Variants in C2 observed in about 807,000 individuals in gnomAD.
The protein encoded by C2 is complement C2.
C2 carries 64 observed loss-of-function variants against 85.2 expected under a neutral mutation model. That is an observed-to-expected ratio of 0.75 (90% CI 0.61 to 0.92). The LOEUF is 0.92. Among genes scored for constraint, C2 ranks in the 40% least tolerant of loss-of-function variants. C2 has a pLI of 0.00. For synonymous variants in C2, 311 were observed against 370.8 expected, an observed-to-expected ratio of 0.84 and a Z score of 1.85; for missense variants, 820 against 971.6, an observed-to-expected ratio of 0.84 and a Z score of 2.07.
In C2 at chr6:31,928,830, G is replaced by T. The variant is rs1769485252; in HGVS notation, c.355G>T (p.Asp119Tyr). 1 of 1,614,248 alleles carries T rather than the reference G, an allele frequency of 6.2e-7. No homozygotes were observed. Reference sequence around the variant, plus strand: ...TGGCAATGTGAGCTTCGAGTGTGAGGATGGCTTCATATTGCGGGGCTCGCC... The same window carrying T: ...TGGCAATGTGAGCTTCGAGTGTGAGTATGGCTTCATATTGCGGGGCTCGCC... ...VGGNVSFECE[D>Y]GFILRGSPVR... The change falls in exon 3 of 18, where the codon GAT (aspartate) becomes TAT (tyrosine). Residue 119 changes from aspartate to tyrosine, a missense_variant. By Grantham distance (160) the Asp-to-Tyr change is radical. Coordinates refer to ENST00000299367, the MANE Select transcript of C2 (RefSeq NM_000063.6).
intron 3 of C2, among the ~76,000 whole-genome samples, chr6:31,930,394 C>G (rs1769642403): frequency 3.3e-5 from 5 of 152,122 alleles, no homozygotes; most frequent in Non-Finnish European, 7.4e-5. Context: ...GTTTTTGTTT[C>G]TTTAAGAGAC....
upstream of C2, among the ~76,000 whole-genome samples, chr6:31,918,144 G>T (rs902889539): frequency 6.6e-6 from 1 of 152,028 alleles, no homozygotes; most frequent in Non-Finnish European, 1.5e-5. Flanking sequence ...ACTTAGCCTG[G>T]TATGATGGCA....
At position 31,945,473 on chromosome 6, in the gene C2, C is replaced by A; in HGVS notation, c.*116C>A. 1 of 1,051,590 alleles carries A rather than the reference C, an allele frequency of 9.5e-7. No individual in the cohort carries two copies. Among genetic ancestry groups the A allele is most frequent in the Non-Finnish European group, 1.4e-6 (1 of 691,360 alleles). The allele number at this position is 1,051,590 out of a possible 1,614,324, so 65.1% of individuals were successfully genotyped here. On this transcript the variant is annotated 3_prime_UTR_variant, in exon 18 of 18. Coordinates refer to ENST00000299367, the MANE Select transcript of C2 (RefSeq NM_000063.6). The surrounding 1 kb of genome is among the most constrained non-coding windows in gnomAD (Gnocchi z 5.3). Reference sequence around the variant, plus strand: ...ATCCTCTCTCCTAGCTGAGTAAATCCGGGTCTCTAGGATGCCAGAGGCAGC... The same window carrying A: ...ATCCTCTCTCCTAGCTGAGTAAATCAGGGTCTCTAGGATGCCAGAGGCAGC...
chr6:31,939,375 T>A, intron 9 of C2, 55 bp downstream of exon 9: 1 of 1,306,682 alleles, frequency 7.7e-7, no homozygotes, highest in Admixed American at 1.7e-5. Context: ...GGTCATGAGA[T>A]CTTCAGCCAG....
chr6:31,944,915 A>T lies in C2; in HGVS notation c.2029+62A>T. The T allele has an allele frequency of 6.2e-7, 1 of 1,612,830 alleles. No individual in the cohort carries two copies. The highest frequency in any genetic ancestry group is 1.1e-5 in the South Asian group (1 of 91,076). On this transcript the variant is annotated intron_variant, in intron 16 of 17. Coordinates refer to ENST00000299367, the MANE Select transcript of C2 (RefSeq NM_000063.6). The surrounding 1 kb of genome is among the most constrained non-coding windows in gnomAD (Gnocchi z 5.1). The stretch of plus-strand genomic sequence containing the variant: ...GGCCACCTGTGTCTCTGTGGCCAGC[A>T]TGCATGCCAGAACACCAGTCCACTG...
chr6:31,928,969 C>T lies in C2; in HGVS notation c.442+52C>T, dbSNP rs779107315. On this transcript the variant is annotated intron_variant, in intron 3 of 17. Transcript: ENST00000299367. Reference sequence around the variant, plus strand: ...CAGGGGGCTGGGGTCTCCTGGGGAACCCTGGGGCCCAATGTGCATCCAGGA... The same window carrying T: ...CAGGGGGCTGGGGTCTCCTGGGGAATCCTGGGGCCCAATGTGCATCCAGGA... 1.5e-5 allele frequency: 23 copies of T among 1,525,526 alleles called. No individual in the cohort carries two copies. In the South Asian group the frequency reaches 2.7e-4, roughly 18 times the overall value. 94.5% of individuals were successfully genotyped at this position (1,525,526 alleles called of 1,614,324 possible).
chr6:31,937,439 C>T lies in C2; in HGVS notation c.1109C>T (p.Ala370Val), dbSNP rs777200072. The T allele has an allele frequency of 1.8e-4, 286 of 1,612,642 alleles. No homozygotes were observed. Among genetic ancestry groups the T allele is most frequent in the Non-Finnish European group, 2.4e-4 (281 of 1,179,970 alleles). Residue 370 changes from alanine to valine, a missense_variant, in exon 8 of 18, where the codon GCC becomes GTC. Coordinates refer to ENST00000299367, the MANE Select transcript of C2 (RefSeq NM_000063.6). ...ATGGCCTGGCAGGAAATCCGACATG[C>T]CATCATCCTTCTGACAGATGGTGGG... The part of the protein sequence containing the change: ...ETMAWQEIRH[A>V]IILLTDGKSN...
chr6:31,933,823 C>A (rs1435044667), intron 4 of C2, 40 bp downstream of exon 4: 2 of 1,613,516 alleles, frequency 1.2e-6, no homozygotes, highest in Non-Finnish European at 1.7e-6. Context: ...CCTCGGCACA[C>A]CCGGCCACTG....
chr6:31,928,277 T>G, intron 2 of C2, 113 bp downstream of exon 2: 2 of 929,942 alleles, frequency 2.2e-6, no homozygotes, highest in East Asian at 5.2e-5. Context: ...AAAGTTGCTT[T>G]TGCAGAGGGC....
chr6:31,910,100 C>T (rs193006480), intron 1 of C2, among the ~76,000 whole-genome samples: 10 of 151,008 alleles, frequency 6.6e-5, no homozygotes, highest in African/African-American at 2.4e-4. Flanking sequence ...AGGCTGGTCT[C>T]GAACTCCTGA....
At position 31,945,369 on chromosome 6, in the gene C2, G is replaced by A; in HGVS notation, c.*12G>A. ...TTTTACCCCTCTAGCCATGGCCACT[G>A]AGCCCTCTGCTGCCCTGCCAGAATC... On this transcript the variant is annotated 3_prime_UTR_variant, in exon 18 of 18. Coordinates refer to ENST00000299367, the MANE Select transcript of C2 (RefSeq NM_000063.6). This position sits in a 1 kb window ranked among gnomAD's most constrained non-coding sequence, Gnocchi z 5.3. 2 of 1,612,182 alleles carry A rather than the reference G, an allele frequency of 1.2e-6. No individual in the cohort carries two copies. The highest frequency in any genetic ancestry group is 1.7e-6 in the Non-Finnish European group (2 of 1,179,596).
Position 31,943,443 on chromosome 6 carries a change from G to C in C2, c.1483G>C (p.Ala495Pro), listed in dbSNP as rs745927416. Residue 495 changes from alanine (A) to proline (P), a missense_variant, in exon 12 of 18, where the codon GCC (alanine) becomes CCC (proline). Physicochemically the swap from Ala to Pro is conservative, Grantham distance 27. Transcript: ENST00000299367. This position sits in a 1 kb window ranked among gnomAD's most constrained non-coding sequence, Gnocchi z 6.4. ...CAAGAGCCAAGAGACCTGCCGGGGGGCCCTCATCTCCGACCAATGGGTCCT... is the reference window on the plus strand; with the variant it reads ...CAAGAGCCAAGAGACCTGCCGGGGGCCCCTCATCTCCGACCAATGGGTCCT... ...KPKSQETCRGALISDQWVLTA... is the reference protein window; with the variant it reads ...KPKSQETCRGPLISDQWVLTA... 10 of 1,612,870 alleles carry C rather than the reference G, an allele frequency of 6.2e-6. No homozygotes were observed. Among genetic ancestry groups the C allele is most frequent in the Non-Finnish European group, 7.6e-6 (9 of 1,180,000 alleles).
Position 31,936,440 on chromosome 6 carries a change from A to G in C2, c.988+379A>G, listed in dbSNP as rs1171652071. ...AGCCACTCAAGGTTTTGGAAACCTCATCTTTGAATCTTGGGACTTTAGTGT... is the reference window on the plus strand; with the variant it reads ...AGCCACTCAAGGTTTTGGAAACCTCGTCTTTGAATCTTGGGACTTTAGTGT... On this transcript the variant is annotated intron_variant, in intron 7 of 17. Transcript: ENST00000299367. 3 of 307,772 alleles carry G rather than the reference A, an allele frequency of 9.7e-6. No individual in the cohort carries two copies. The East Asian group carries it at 2.3e-4, about 24-fold the overall frequency. The allele number at this position is 307,772 out of a possible 1,614,324, so 19.1% of individuals were successfully genotyped here.
chr6:31,933,535 C>G, intron 3 of C2, 75 bp from the exon 4 acceptor site: 1 of 1,533,954 alleles, frequency 6.5e-7, no homozygotes, highest in Non-Finnish European at 8.9e-7. Flanking sequence ...CTTCTGCTGG[C>G]AACTGAGGCC....
chr6:31,930,036 CAA>C (rs41287778), intron 3 of C2, among the ~76,000 whole-genome samples: 1 of 147,066 alleles, frequency 6.8e-6, no homozygotes, highest in Non-Finnish European at 1.5e-5. Flanking sequence ...AACAAACAAA[CAA>C]AAAACAAAAA....
At chr6:31,909,598 C>A (rs1767950297) in intron 1 of C2, among the ~76,000 whole-genome samples, 1 of 151,752 alleles carries the variant, frequency 6.6e-6, no homozygotes, top group Non-Finnish European at 1.5e-5. Flanking sequence ...CTCCCCCGCC[C>A]ACCTCTTTTT....
chr6:31,939,405 A>G, intron 9 of C2, 85 bp downstream of exon 9: 1 of 1,041,436 alleles, frequency 9.6e-7, no homozygotes, highest in South Asian at 1.3e-5. Context: ...CATCTTAGCT[A>G]TGGTCCAGAG....
In C2 at chr6:31,904,463, G is replaced by A. The variant is rs897253643; in HGVS notation, c.73+3324G>A. Among the ~76,000 whole-genome samples the A allele has an allele frequency of 6.6e-6, 1 of 151,666 alleles. No individual in the cohort carries two copies. The highest frequency in any genetic ancestry group is 2.1e-4 in the South Asian group (1 of 4,798). On this transcript the variant is annotated intron_variant, in intron 1 of 3. Transcript: ENST00000452202. This position sits in a 1 kb window ranked among gnomAD's most constrained non-coding sequence, Gnocchi z 4.4. ...CAAGTAGCTGGGATTACAGGTGCCC[G>A]CCACCATGCCTAGCTAATTTTCGCA...
chr6:31,937,567 GTTTTGT>G (rs1323750841), intron 8 of C2, 108 bp downstream of exon 8: 68 of 1,447,968 alleles, frequency 4.7e-5, no homozygotes, highest in Non-Finnish European at 6.4e-5. Flanking sequence ...TTGGGCCCCA[GTTTTGT>G]TTTTGTTTTT....
Sources: gnomAD v4.1 joint callset for allele counts (sites outside exome capture counted in the v4.1 genomes callset) on GRCh38, gnomAD v4.1.1 for gene constraint, Gnocchi (gnomAD v3.1) non-coding constraint, MANE v1.5 for transcripts, NCBI Gene and HGNC (gene_info 2026-07-23, HGNC 2026-07-21) for gene names.